MROH9: variants seen among roughly 807,000 people sequenced by gnomAD.
MROH9 encodes the protein maestro heat like repeat family member 9.
In MROH9, 92 loss-of-function variants were observed where a neutral mutation model predicts 98.2. The ratio of observed to expected loss-of-function variants is 0.94; its 90% CI spans 0.79 to 1.11. The LOEUF (loss-of-function observed/expected upper bound fraction) is 1.11. MROH9 is among the 50% of genes most tolerant of loss of function. The pLI is 0.00. For synonymous variants in MROH9, 397 were observed against 368.9 expected, an observed-to-expected ratio of 1.08 and a Z score of -0.87; for missense variants, 1,057 against 1,014.8, an observed-to-expected ratio of 1.04 and a Z score of -0.57.
intron 20 of MROH9, among the ~76,000 whole-genome samples, chr1:171,056,114 C>T (rs559414198): frequency 1.3e-5 from 2 of 152,294 alleles, no homozygotes; most frequent in Non-Finnish European, 2.9e-5. Context: ...TTAAGCCTGC[C>T]GAGCCCCTGG....
intron 20 of MROH9, among the ~76,000 whole-genome samples, chr1:171,042,868 T>A (rs1218979691): frequency 1.3e-5 from 2 of 152,150 alleles, no homozygotes; most frequent in Admixed American, 1.3e-4. Flanking sequence ...TTTGAACTCC[T>A]TATATATTCT....
At chr1:171,006,385 T>G (rs540422742) in intron 15 of MROH9, among the ~76,000 whole-genome samples, 1 of 152,164 alleles carries the variant, frequency 6.6e-6, no homozygotes, top group Admixed American at 6.5e-5. Flanking sequence ...TAGATTATAA[T>G]GTGTCTCAGA....
intron 1 of MROH9, among the ~76,000 whole-genome samples, chr1:170,936,847 T>C (rs1648904190): frequency 6.6e-6 from 1 of 151,970 alleles, no homozygotes; most frequent in Admixed American, 6.5e-5. Context: ...GAGTTATCTT[T>C]TAATCATTTC....
chr1:171,034,508 T>G (rs1557907264), intron 20 of MROH9, among the ~76,000 whole-genome samples: 1 of 152,192 alleles, frequency 6.6e-6, no homozygotes, highest in African/African-American at 2.4e-5. Context: ...TGCTTCCTGA[T>G]GGGTACAACA....
intron 1 of MROH9, among the ~76,000 whole-genome samples, 191 bp downstream of exon 1, chr1:170,935,778 G>A (rs993393949): frequency 1.3e-5 from 2 of 151,782 alleles, no homozygotes; most frequent in Non-Finnish European, 1.5e-5. Flanking sequence ...CGGATCATGA[G>A]GTCAGGAGGT....
At chr1:171,057,921 G>A (rs1653895093) in intron 20 of MROH9, among the ~76,000 whole-genome samples, 1 of 151,988 alleles carries the variant, frequency 6.6e-6, no homozygotes, top group Non-Finnish European at 1.5e-5. Context: ...AAATGCTGAG[G>A]GATTTCATTA....
At chr1:171,050,356 A>T (rs1229673539) in intron 20 of MROH9, among the ~76,000 whole-genome samples, 1 of 152,162 alleles carries the variant, frequency 6.6e-6, no homozygotes, top group Non-Finnish European at 1.5e-5. Context: ...AATTTCTTTC[A>T]TCAGTGTTTT....
intron 19 of MROH9, 96 bp downstream of exon 19, chr1:171,024,861 T>A: frequency 2.8e-6 from 2 of 703,208 alleles, no homozygotes; most frequent in Non-Finnish European, 4.7e-6. Flanking sequence ...TAAGAGTGGA[T>A]CTTGGAGGAA....
chr1:171,056,272 T>C (rs1007352609), intron 20 of MROH9, among the ~76,000 whole-genome samples: 2 of 152,212 alleles, frequency 1.3e-5, no homozygotes, highest in Non-Finnish European at 2.9e-5. Flanking sequence ...CATCCATCTC[T>C]ATAGCTCCAG....
intron 1 of MROH9, among the ~76,000 whole-genome samples, chr1:170,939,415 G>C (rs952545942): frequency 6.6e-6 from 1 of 152,180 alleles, no homozygotes; most frequent in African/African-American, 2.4e-5. Context: ...TCCCAAAAGG[G>C]GGCTATAGGG....
chr1:171,021,451 C>T (rs1327589461), intron 17 of MROH9, among the ~76,000 whole-genome samples: 3 of 151,448 alleles, frequency 2.0e-5, no homozygotes, highest in Non-Finnish European at 4.4e-5. Flanking sequence ...TCAGAAATAA[C>T]ACCACACTTC....
chr1:170,992,035 G>A lies in MROH9; in HGVS notation c.1029-129G>A, dbSNP rs1475227726. ...GGAAATAGGAATCTCAGTTTGCTTT[G>A]GACATGTCTGCAGTGTCTTTGCTAT... On this transcript the variant is annotated intron_variant, in intron 11 of 21. Coordinates refer to ENST00000367759, the MANE Select transcript of MROH9 (RefSeq NM_001163629.2). 1.7e-5 allele frequency: 14 copies of A among 836,962 alleles called. No homozygotes were observed. In the Admixed American group the frequency reaches 1.9e-4, roughly 12 times the overall value. 51.8% of individuals were successfully genotyped at this position (836,962 alleles called of 1,614,324 possible).
intron 20 of MROH9, among the ~76,000 whole-genome samples, chr1:171,055,875 G>A (rs986171933): frequency 6.6e-6 from 1 of 152,166 alleles, no homozygotes; most frequent in African/African-American, 2.4e-5. Flanking sequence ...AGAGCAAGCA[G>A]TGTGGTGTGG....
At chr1:170,966,689 C>T (rs1341426634) in intron 7 of MROH9, among the ~76,000 whole-genome samples, 2 of 152,082 alleles carry the variant, frequency 1.3e-5, no homozygotes, top group Admixed American at 1.3e-4. Flanking sequence ...TTGTATCATG[C>T]TAATTCCCTA....
chr1:170,947,491 C>T (rs1272523612), intron 2 of MROH9, 36 bp from the exon 3 acceptor site: 1 of 1,584,584 alleles, frequency 6.3e-7, no homozygotes, highest in Non-Finnish European at 8.7e-7. Context: ...AGTCTATGTT[C>T]ATTCCTTTTT....
intron 15 of MROH9, among the ~76,000 whole-genome samples, chr1:170,999,367 T>C (rs1651706135): frequency 6.6e-6 from 1 of 152,130 alleles, no homozygotes; most frequent in Non-Finnish European, 1.5e-5. Flanking sequence ...TCTTATGCCT[T>C]TGCATCCTCA....
chr1:170,954,027 C>T (rs1255719402), intron 3 of MROH9, among the ~76,000 whole-genome samples: 1 of 151,972 alleles, frequency 6.6e-6, no homozygotes, highest in Non-Finnish European at 1.5e-5. Context: ...TTGTGATATC[C>T]GTTATGACTG....
intron 13 of MROH9, 126 bp downstream of exon 13, chr1:170,995,657 T>C: frequency 9.1e-7 from 1 of 1,104,280 alleles, no homozygotes; most frequent in Admixed American, 2.7e-5. Flanking sequence ...TTATTACAGT[T>C]TTCTCTCCTC....
At chr1:171,018,495 C>T (rs1652403320) in intron 17 of MROH9, among the ~76,000 whole-genome samples, 1 of 152,196 alleles carries the variant, frequency 6.6e-6, no homozygotes, top group Non-Finnish European at 1.5e-5. Flanking sequence ...AGTGCCTCTT[C>T]TCCTTCAAAT....
Sources: allele counts gnomAD v4.1 joint callset (sites outside exome capture counted in the v4.1 genomes callset), GRCh38; gene constraint gnomAD v4.1.1; transcripts MANE v1.5; gene names NCBI Gene and HGNC (gene_info 2026-07-23, HGNC 2026-07-21).